The following DNAH12 variants were observed in gnomAD, a reference collection of about 807,000 sequenced individuals.
The protein encoded by DNAH12 is dynein axonemal heavy chain 12.
A neutral mutation model predicts 371.5 loss-of-function variants in DNAH12; 285 were observed. The observed-to-expected ratio is 0.77, with a 90% CI of 0.70 to 0.85. The LOEUF (loss-of-function observed/expected upper bound fraction) is 0.85, where lower values mean the gene tolerates loss of function less well. DNAH12 is among the 40% of genes least tolerant of loss of function. The pLI is 0.00. For missense variants in DNAH12, 3,611 were observed against 3,689.4 expected (o/e 0.98, Z 0.55); for synonymous variants, 1,200 against 1,213.0 (o/e 0.99, Z 0.22).
Position 57,466,057 on chromosome 3 carries a change from A to T in DNAH12, c.2349+2679T>A, listed in dbSNP as rs895286681. 4.4e-5 allele frequency among the ~76,000 whole-genome samples: 5 copies of T among 114,598 alleles called. No individual in the cohort carries two copies. In the South Asian group the frequency reaches 1.0e-3, roughly 23 times the overall value. 75.2% of individuals were successfully genotyped at this position (114,598 alleles called of 152,430 possible). A position where few individuals can be genotyped will look rare whatever the true frequency, so the allele number is the denominator to read the frequency against. ...ATTTACCCTGCAGTCACACCTTCAAACACATGCAATTCACACACACACACA... is the reference window on the plus strand; with the variant it reads ...ATTTACCCTGCAGTCACACCTTCAATCACATGCAATTCACACACACACACA... On this transcript the variant is annotated intron_variant, in intron 17 of 73. Coordinates refer to ENST00000495027, the MANE Select transcript of DNAH12 (RefSeq NM_001366028.2).
chr3:57,336,259 A>T (rs578099368), intron 60 of DNAH12, among the ~76,000 whole-genome samples: 1 of 152,348 alleles, frequency 6.6e-6, no homozygotes, highest in South Asian at 2.1e-4. Context: ...TATAAAATTC[A>T]CAGCATCCAT....
chr3:57,309,299 A>G, intron 68 of DNAH12, 45 bp from the exon 69 acceptor site: 2 of 1,437,092 alleles, frequency 1.4e-6, no homozygotes, highest in Non-Finnish European at 1.9e-6. Context: ...CTCAGAATGG[A>G]TAATTAGCTT....
At chr3:57,372,244 G>C (rs2063190373) in intron 55 of DNAH12, among the ~76,000 whole-genome samples, 1 of 151,956 alleles carries the variant, frequency 6.6e-6, no homozygotes, top group African/African-American at 2.4e-5. Context: ...ATATATCCTT[G>C]AAATATGTAC....
intron 27 of DNAH12, 50 bp downstream of exon 27, chr3:57,445,981 G>C (rs528979898): frequency 6.9e-7 from 1 of 1,453,298 alleles, no homozygotes; most frequent in East Asian, 2.7e-5. Flanking sequence ...GAGTAAGACT[G>C]TTTCAAAAAC....
rs1157006989 is a variant in DNAH12, at chr3:57,433,390, T to TG, written c.4956dup (p.Thr1653HisfsTer5). Reference sequence around the variant, plus strand: ...ACCTTTTTATTATCATCCAATACTGTGTTCATGCTCTCTATCCACAAAGTG... The same window carrying TG: ...ACCTTTTTATTATCATCCAATACTGTGGTTCATGCTCTCTATCCACAAAGTG... On this transcript the variant is annotated frameshift_variant, in exon 32 of 74. Transcript: ENST00000495027. LOFTEE classifies it high-confidence loss of function. The TG allele has an allele frequency of 1.9e-6, 3 of 1,551,184 alleles. No individual in the cohort carries two copies. Among genetic ancestry groups the TG allele is most frequent in the Non-Finnish European group, 1.7e-6 (2 of 1,146,812 alleles).
intron 65 of DNAH12, 90 bp downstream of exon 65, chr3:57,322,253 T>C (rs1440196642): frequency 2.3e-6 from 3 of 1,296,522 alleles, no homozygotes; most frequent in Non-Finnish European, 2.0e-6. Flanking sequence ...TAAATAAAAA[T>C]GTTACAAAAG....
intron 43 of DNAH12, chr3:57,402,338 T>C (rs1255432889): frequency 4.4e-5 from 53 of 1,213,058 alleles, no homozygotes; most frequent in Non-Finnish European, 5.5e-5. Flanking sequence ...GTATCATCTC[T>C]CTGTTGGGGC....
intron 11 of DNAH12, among the ~76,000 whole-genome samples, chr3:57,492,488 A>T (rs1482598899): frequency 3.3e-5 from 5 of 151,964 alleles, no homozygotes; most frequent in African/African-American, 1.2e-4. Context: ...AATAAATAAT[A>T]AATAAGTTCA....
At chr3:57,300,643 T>C (rs1185351474) in intron 70 of DNAH12, among the ~76,000 whole-genome samples, 1 of 152,154 alleles carries the variant, frequency 6.6e-6, no homozygotes, top group African/African-American at 2.4e-5. Context: ...CCTATCAGAT[T>C]GGCAAAAATT....
intron 44 of DNAH12, among the ~76,000 whole-genome samples, chr3:57,392,759 A>T (rs1486021632): frequency 6.6e-6 from 1 of 152,224 alleles, no homozygotes; most frequent in African/African-American, 2.4e-5. Flanking sequence ...AAACAGAAAT[A>T]GTGAAGCAAT....
chr3:57,458,171 C>A lies in DNAH12; in HGVS notation c.2981G>T (p.Cys994Phe). 3 of 1,549,832 alleles carry A rather than the reference C, an allele frequency of 1.9e-6. No individual in the cohort carries two copies. The highest frequency in any genetic ancestry group is 2.6e-6 in the Non-Finnish European group (3 of 1,146,574). Residue 994 changes from cysteine to phenylalanine, a missense_variant, in exon 21 of 74, where the codon TGC becomes TTC. By Grantham distance (205) the Cys-to-Phe change is radical (BLOSUM62 -2). Coordinates refer to ENST00000495027, the MANE Select transcript of DNAH12 (RefSeq NM_001366028.2). ...CATAATTTTCTCCAAAAGTTCATTGCAGTTCTGTAGTTTTTCCAATAAACC... is the reference window on the plus strand; with the variant it reads ...CATAATTTTCTCCAAAAGTTCATTGAAGTTCTGTAGTTTTTCCAATAAACC... ...LTGLLEKLQN[C>F]NELLEKIMKG...
chr3:57,455,014 TA>T, intron 22 of DNAH12, 120 bp from the exon 23 acceptor site: 1 of 1,011,398 alleles, frequency 9.9e-7, no homozygotes, highest in South Asian at 3.0e-5. Context: ...CATATAGTCA[TA>T]AAAAATGTTA....
chr3:57,514,309 G>A (rs930038137), intron 4 of DNAH12, among the ~76,000 whole-genome samples: 2 of 151,488 alleles, frequency 1.3e-5, no homozygotes, highest in South Asian at 4.2e-4. Flanking sequence ...CAGGAGAATC[G>A]CTTGAACCCG....
chr3:57,429,008 T>C (rs1176011528), intron 33 of DNAH12, among the ~76,000 whole-genome samples, 187 bp from the exon 34 acceptor site: 2 of 152,188 alleles, frequency 1.3e-5, no homozygotes, highest in Admixed American at 1.3e-4. Context: ...CCCAGATATG[T>C]AAAGGCTCCA....
At chr3:57,480,755 C>T (rs1252359883) in intron 13 of DNAH12, among the ~76,000 whole-genome samples, 2 of 152,184 alleles carry the variant, frequency 1.3e-5, no homozygotes. Context: ...GGATGCAAGG[C>T]TGGTTCAACA....
chr3:57,450,263 A>AAAAAAAAAAAAG (rs1559675139), intron 25 of DNAH12, among the ~76,000 whole-genome samples: 1 of 148,762 alleles, frequency 6.7e-6, no homozygotes. Flanking sequence ...AAAAAAAAAA[A>AAAAAAAAAAAAG]GGTGGCCCAG....
intron 59 of DNAH12, among the ~76,000 whole-genome samples, chr3:57,355,160 C>T (rs2062769301): frequency 2.6e-5 from 4 of 151,618 alleles, no homozygotes; most frequent in Non-Finnish European, 5.9e-5. Flanking sequence ...TATTATTTCT[C>T]ATAATTGCAT....
intron 4 of DNAH12, among the ~76,000 whole-genome samples, chr3:57,518,964 C>G (rs200936437): frequency 1.2e-3 from 189 of 152,128 alleles, no homozygotes; most frequent in Non-Finnish European, 2.3e-3. Flanking sequence ...GAAAGAGGAA[C>G]CTGTGGAGAT....
At chr3:57,554,202 G>A in the DNAH12 span, among the ~76,000 whole-genome samples, 2 of 132,060 alleles carry the variant, frequency 1.5e-5, no homozygotes, top group South Asian at 4.4e-4. Flanking sequence ...CATGAGAATC[G>A]CTTGAACCCG....
Sources: allele counts gnomAD v4.1 joint callset (sites outside exome capture counted in the v4.1 genomes callset), GRCh38; gene constraint gnomAD v4.1.1; transcripts MANE v1.5; gene names NCBI Gene and HGNC (gene_info 2026-07-23, HGNC 2026-07-21).